The following CHD6 variants were observed in gnomAD, a reference collection of about 807,000 sequenced individuals.
The protein encoded by CHD6 is ATP-dependent chromatin remodeler CHD6.
In CHD6, 50 loss-of-function variants were observed where a neutral mutation model predicts 276.9. That is an observed-to-expected ratio of 0.18 (90% CI 0.14 to 0.23). CHD6 has a LOEUF of 0.23. Ranked by LOEUF, CHD6 falls within the 10% of genes least tolerant of loss-of-function variation. CHD6 has a pLI of 1.00. For missense variants in CHD6, 2,564 were observed against 3,365.8 expected, an observed-to-expected ratio of 0.76 and a Z score of 5.89; for synonymous variants, 1,173 against 1,229.3, an observed-to-expected ratio of 0.95 and a Z score of 0.96.
At chr20:41,443,390 A>G (rs560195836) in intron 25 of CHD6, among the ~76,000 whole-genome samples, 38 of 152,334 alleles carry the variant, frequency 2.5e-4, no homozygotes, top group Admixed American at 2.2e-3. Flanking sequence ...GTGAGAAGGC[A>G]TCTTGGACCT....
At chr20:41,610,804 A>ATT (rs1186676533) in intron 1 of CHD6, among the ~76,000 whole-genome samples, 5 of 149,014 alleles carry the variant, frequency 3.4e-5, no homozygotes, top group African/African-American at 1.3e-4. Flanking sequence ...AATAAAGTTA[A>ATT]TTGATAGATA....
chr20:41,565,889 G>C (rs2045350283), intron 1 of CHD6, among the ~76,000 whole-genome samples: 1 of 152,174 alleles, frequency 6.6e-6, no homozygotes, highest in Non-Finnish European at 1.5e-5. Flanking sequence ...TCATTCTATG[G>C]AAAGTGGGAG....
chr20:41,600,534 T>C (rs1281671616), intron 1 of CHD6, among the ~76,000 whole-genome samples: 7 of 152,088 alleles, frequency 4.6e-5, no homozygotes, highest in Non-Finnish European at 8.8e-5. Flanking sequence ...TATATACATA[T>C]CTAAAAGAAT....
intron 36 of CHD6, among the ~76,000 whole-genome samples, 165 bp from the exon 37 acceptor site, chr20:41,405,654 CTG>C (rs2046654484): frequency 6.6e-6 from 1 of 152,234 alleles, no homozygotes; most frequent in South Asian, 2.1e-4. Context: ...TCTGGCCTGA[CTG>C]TACCTGACAG....
chr20:41,423,365 C>T (rs2047257539), intron 30 of CHD6, 127 bp downstream of exon 30: 1 of 814,098 alleles, frequency 1.2e-6, no homozygotes, highest in Non-Finnish European at 2.0e-6. Context: ...CTAAAAGCCA[C>T]TCATCTTTAC....
intron 27 of CHD6, among the ~76,000 whole-genome samples, chr20:41,434,530 C>T (rs2047646457): frequency 6.6e-6 from 1 of 152,142 alleles, no homozygotes; most frequent in Non-Finnish European, 1.5e-5. Flanking sequence ...ACCACCACGC[C>T]TGGCTAATTT....
At chr20:41,585,054 C>G (rs2045579351) in intron 1 of CHD6, among the ~76,000 whole-genome samples, 1 of 152,056 alleles carries the variant, frequency 6.6e-6, no homozygotes, top group Admixed American at 6.6e-5. Flanking sequence ...AGGAAAAAGA[C>G]ACAATTTACC....
Position 41,404,180 on chromosome 20 carries a change from C to T in CHD6, c.*413G>A, listed in dbSNP as rs1019859690. ...GGTTCCCTGTGACATTCTTCCTGTG[C>T]AACCCAGCTCACAGAAAAAGAGCTC... On this transcript the variant is annotated 3_prime_UTR_variant, in exon 37 of 37. Transcript: ENST00000373233. The T allele has an allele frequency of 9.4e-7, 1 of 1,064,156 alleles. No individual in the cohort carries two copies. The highest frequency in any genetic ancestry group is 1.1e-6 in the Non-Finnish European group (1 of 879,226). The allele number at this position is 1,064,156 out of a possible 1,614,324, so 65.9% of individuals were successfully genotyped here.
intron 27 of CHD6, among the ~76,000 whole-genome samples, chr20:41,426,714 G>A (rs1192308248): frequency 1.3e-5 from 2 of 152,210 alleles, no homozygotes; most frequent in East Asian, 3.8e-4. Flanking sequence ...TGAGCTCTAA[G>A]TGAATCTGGA....
chr20:41,522,863 A>T (rs2044437427), intron 3 of CHD6, among the ~76,000 whole-genome samples: 1 of 152,200 alleles, frequency 6.6e-6, no homozygotes, highest in African/African-American at 2.4e-5. Context: ...AGACTGGGCT[A>T]TCGTACCCTA....
rs1470749071 is a variant in CHD6, at chr20:41,404,776, C to T, written c.7965G>A (p.Arg2655=). ...TGTCCCCCTTTGTCTTCTTCTTCTT[C>T]CTCTTCTGGCTCTCCAGACCTACTA... The part of the protein sequence containing the change: ...SEIVGLESQK[R]KKKKTKGDNP... The change falls in exon 37 of 37, where the codon AGG becomes AGA. Residue 2655 remains arginine, a synonymous_variant. Transcript: ENST00000373233. 1.9e-6 allele frequency: 3 copies of T among 1,609,162 alleles called. No homozygotes were observed. Among genetic ancestry groups the T allele is most frequent in the Non-Finnish European group, 2.5e-6 (3 of 1,177,422 alleles).
At chr20:41,419,503 T>G (rs1174352274) in intron 31 of CHD6, among the ~76,000 whole-genome samples, 1 of 124,612 alleles carries the variant, frequency 8.0e-6, no homozygotes, top group East Asian at 2.5e-4. Context: ...TGCAGTGAGC[T>G]GAGATTGCGC....
At chr20:41,563,710 C>T (rs2045326313) in intron 1 of CHD6, among the ~76,000 whole-genome samples, 1 of 152,198 alleles carries the variant, frequency 6.6e-6, no homozygotes, top group African/African-American at 2.4e-5. Context: ...TATCATATAT[C>T]ACATTGTAAG....
At chr20:41,513,695 AAT>A (rs1161144931) in intron 4 of CHD6, among the ~76,000 whole-genome samples, 1 of 152,170 alleles carries the variant, frequency 6.6e-6, no homozygotes, top group East Asian at 1.9e-4. Context: ...TCTACATACT[AAT>A]CATATCTCAA....
chr20:41,407,242 G>T (rs1241447439), intron 36 of CHD6, among the ~76,000 whole-genome samples: 1 of 152,170 alleles, frequency 6.6e-6, no homozygotes, highest in Admixed American at 6.5e-5. Context: ...AGTGGGGGGT[G>T]GGGATGTGAC....
chr20:41,466,383 T>C (rs2042921305), intron 17 of CHD6, among the ~76,000 whole-genome samples: 1 of 152,190 alleles, frequency 6.6e-6, no homozygotes, highest in African/African-American at 2.4e-5. Context: ...TAGCAGGATA[T>C]AGTGATAGTC....
chr20:41,492,779 G>A (rs2043586806), intron 10 of CHD6, among the ~76,000 whole-genome samples: 1 of 152,240 alleles, frequency 6.6e-6, no homozygotes, highest in Non-Finnish European at 1.5e-5. Context: ...AAATTAGCCA[G>A]GCGTGGTGGC....
chr20:41,422,006 T>C lies in CHD6; in HGVS notation c.4629A>G (p.Glu1543=), dbSNP rs201342806. ...ERAARTLYRI[E]LLRKVREQVL... The stretch of plus-strand genomic sequence containing the variant: ...CTTGCTCTCGGACTTTCCGTAACAG[T>C]TCAATGCGGTACAGAGTTCTTGCAG... The change falls in exon 31 of 37, where the codon GAA becomes GAG. Residue 1543 remains glutamate, a synonymous_variant. Transcript: ENST00000373233. The C allele has an allele frequency of 3.4e-5, 55 of 1,614,144 alleles. No homozygotes were observed. In the East Asian group the frequency reaches 4.0e-4, roughly 12 times the overall value.
chr20:41,419,204 T>C (rs1396001303), intron 31 of CHD6, among the ~76,000 whole-genome samples: 1 of 152,136 alleles, frequency 6.6e-6, no homozygotes, highest in Non-Finnish European at 1.5e-5. Context: ...TTAGCTAGTA[T>C]GTAAATTTTA....
Sources: allele counts gnomAD v4.1 joint callset (sites outside exome capture counted in the v4.1 genomes callset), GRCh38; gene constraint gnomAD v4.1.1; transcripts MANE v1.5; gene names NCBI Gene and HGNC (gene_info 2026-07-23, HGNC 2026-07-21).